CLDN14: variants seen among roughly 807,000 people sequenced by gnomAD.
CLDN14 encodes the protein claudin-14.
A neutral mutation model predicts 2.1 loss-of-function variants in CLDN14; 2 were observed. That is an observed-to-expected ratio of 0.96 (90% CI 0.39 to 3.01). The LOEUF is 3.01. CLDN14 is among the 30% of genes most tolerant of loss of function. The probability of loss-of-function intolerance (pLI) is 0.09; values close to 1 mark genes in which losing one functional copy is unlikely to be tolerated. For synonymous variants in CLDN14, 136 were observed against 154.4 expected, an observed-to-expected ratio of 0.88 and a Z score of 0.88; for missense variants, 298 against 328.0, an observed-to-expected ratio of 0.91 and a Z score of 0.71.
intron 1 of CLDN14, among the ~76,000 whole-genome samples, chr21:36,570,391 G>A (rs1270314417): frequency 1.3e-5 from 2 of 152,122 alleles, no homozygotes; most frequent in Admixed American, 6.5e-5. Flanking sequence ...AGGCATGTCC[G>A]ACTCCCTCTT....
intron 2 of CLDN14, among the ~76,000 whole-genome samples, chr21:36,500,996 A>T (rs1278602806): frequency 6.6e-6 from 1 of 152,240 alleles, no homozygotes; most frequent in Admixed American, 6.5e-5. Context: ...GGAGAGCTTA[A>T]ATCAGCGGCC....
intron 1 of CLDN14, among the ~76,000 whole-genome samples, chr21:36,555,614 G>T (rs1035302291): frequency 6.6e-5 from 10 of 152,270 alleles, no homozygotes; most frequent in African/African-American, 1.9e-4. Flanking sequence ...TTGAAAGCCA[G>T]CTCATTATGA....
At chr21:36,527,087 A>T (rs1024520279) in intron 1 of CLDN14, among the ~76,000 whole-genome samples, 4 of 152,216 alleles carry the variant, frequency 2.6e-5, no homozygotes, top group Admixed American at 6.5e-5. Flanking sequence ...AAACTTGAAG[A>T]TTCACAATAA....
At position 36,461,387 on chromosome 21, in the gene CLDN14, C is replaced by G; in HGVS notation, c.309G>C (p.Lys103Asn). The G allele has an allele frequency of 1.2e-6, 2 of 1,613,274 alleles. No homozygotes were observed. The highest frequency in any genetic ancestry group is 1.7e-6 in the Non-Finnish European group (2 of 1,179,972). ...IACACAVIGMKCTRCAKGTPA... is the reference protein window; with the variant it reads ...IACACAVIGMNCTRCAKGTPA... ...GTGTGCCCTTGGCGCAGCGCGTGCA[C>G]TTCATCCCGATGACGGCGCAGGCGC... The change falls in exon 2 of 2, where the codon AAG (lysine) becomes AAC (asparagine). Residue 103 changes from lysine (K) to asparagine (N), a missense_variant. Physicochemically the swap from Lys to Asn is moderately conservative, Grantham distance 94. Coordinates refer to ENST00000399135, the MANE Select transcript of CLDN14 (RefSeq NM_001146079.2).
At chr21:36,491,398 C>T (rs1029491720) in intron 2 of CLDN14, among the ~76,000 whole-genome samples, 5 of 152,110 alleles carry the variant, frequency 3.3e-5, no homozygotes, top group Admixed American at 6.6e-5. Flanking sequence ...CTTTCAAAAG[C>T]GAAACGGCGA....
intron 1 of CLDN14, among the ~76,000 whole-genome samples, chr21:36,549,441 G>A (rs1041357755): frequency 6.6e-6 from 1 of 152,198 alleles, no homozygotes; most frequent in African/African-American, 2.4e-5. Flanking sequence ...TGTGGCCCCC[G>A]GGTAAGGGGA....
Position 36,515,789 on chromosome 21 carries a change from C to CTTTTTTTTTTTTT in CLDN14, c.-219-5302_-219-5290dup, listed in dbSNP as rs1555850517. Among the ~76,000 whole-genome samples the CTTTTTTTTTTTTT allele has an allele frequency of 5.2e-5, 6 of 115,316 alleles. 1 individual carries two copies. The highest frequency in any genetic ancestry group is 2.1e-4 in the African/African-American group (6 of 28,214). The allele number at this position is 115,316 out of a possible 152,430, so 75.7% of individuals were successfully genotyped here. ...AAGCTGTGTTTCCCTTTTATCTTCT[C>CTTTTTTTTTTTTT]TTTTTTTTTTTTTTTGAGACAGAGT... is the stretch of plus-strand genomic sequence containing the variant. On this transcript the variant is annotated intron_variant, in intron 1 of 2. Coordinates refer to the CLDN14 transcript ENST00000342108.
rs567195771 is a variant in CLDN14 at position 36,522,913 on chromosome 21, A to G, written c.-219-12413T>C. 6.6e-5 allele frequency among the ~76,000 whole-genome samples: 10 copies of G among 152,188 alleles called. No individual in the cohort carries two copies. The South Asian group carries it at 1.5e-3, about 22-fold the overall frequency. On this transcript the variant is annotated intron_variant, in intron 1 of 2. Transcript: ENST00000342108. ...CCAAGATCCAGTGTTCACTGTAGCC[A>G]TGGTCTTTTCTGGGAGCAGAGGAAT...
At position 36,461,233 on chromosome 21, in the gene CLDN14, C is replaced by T. The variant is rs749603296; in HGVS notation, c.463G>A (p.Gly155Ser). Reference protein sequence around the residue: ...QNFYNPLLPSGMKFEIGQALY... With the variant: ...QNFYNPLLPSSMKFEIGQALY... ...GCCTGGCCAATCTCAAACTTCATGC[C>T]GCTGGGCAGCAGCGGGTTGTAGAAG... Residue 155 changes from glycine (G) to serine (S), a missense_variant, in exon 2 of 2, where the codon GGC (glycine) becomes AGC (serine). Physicochemically the swap from Gly to Ser is moderately conservative, Grantham distance 56 (BLOSUM62 0). Coordinates refer to ENST00000399135, the MANE Select transcript of CLDN14 (RefSeq NM_001146079.2). 4.5e-5 allele frequency: 72 copies of T among 1,613,938 alleles called. No homozygotes were observed. Among genetic ancestry groups the T allele is most frequent in the African/African-American group, 2.3e-4 (17 of 74,936 alleles).
Position 36,490,385 on chromosome 21 carries a change from A to ATT in CLDN14, c.-82+19976_-82+19977dup, listed in dbSNP as rs71198817. ...TGTCTGCTAGTTCAATTTTTTTTTA[A>ATT]TTTTTTTTTTTTTTTTTTTTTGTGA... On this transcript the variant is annotated intron_variant, in intron 2 of 2. Coordinates refer to the CLDN14 transcript ENST00000342108. 7.2e-3 allele frequency among the ~76,000 whole-genome samples: 737 copies of ATT among 102,060 alleles called. 26 individuals carry two copies. The highest frequency in any genetic ancestry group is 0.019 in the African/African-American group (468 of 25,262). 67.0% of individuals were successfully genotyped at this position (102,060 alleles called of 152,430 possible). A position where few individuals can be genotyped will look rare whatever the true frequency, so the allele number is the denominator to read the frequency against.
intron 1 of CLDN14, among the ~76,000 whole-genome samples, chr21:36,526,918 G>A (rs548395689): frequency 1.1e-3 from 161 of 152,328 alleles, no homozygotes; most frequent in Non-Finnish European, 1.9e-3. Context: ...CCCGAGACGG[G>A]GATGTTGAAT....
intron 2 of CLDN14, among the ~76,000 whole-genome samples, chr21:36,488,537 T>A (rs1434014765): frequency 6.6e-6 from 1 of 151,334 alleles, no homozygotes; most frequent in Non-Finnish European, 1.5e-5. Context: ...CCCAAAGTGC[T>A]GGGATTACAG....
intron 1 of CLDN14, among the ~76,000 whole-genome samples, chr21:36,467,981 C>A (rs2086667097): frequency 6.6e-6 from 1 of 152,180 alleles, no homozygotes; most frequent in Admixed American, 6.5e-5. Flanking sequence ...GATGTGGCCA[C>A]CAGTGCCTTT....
chr21:36,549,390 G>A (rs138309321), intron 1 of CLDN14, among the ~76,000 whole-genome samples: 2 of 152,162 alleles, frequency 1.3e-5, no homozygotes, highest in East Asian at 1.9e-4. Context: ...TGAGAAAGAT[G>A]TATTTGGTGT....
chr21:36,484,191 A>G (rs1223897952), upstream of CLDN14, among the ~76,000 whole-genome samples: 1 of 152,194 alleles, frequency 6.6e-6, no homozygotes, highest in African/African-American at 2.4e-5. Context: ...CCCAAAGACG[A>G]GTGAGGTAGG....
chr21:36,520,889 T>C (rs2087264381), intron 1 of CLDN14, among the ~76,000 whole-genome samples: 1 of 151,958 alleles, frequency 6.6e-6, no homozygotes, highest in Non-Finnish European at 1.5e-5. Flanking sequence ...ACTAACCCCC[T>C]TCAACGCTCC....
At chr21:36,486,274 C>A in intron 2 of CLDN14, 1 of 773,246 alleles carries the variant, frequency 1.3e-6, no homozygotes, top group South Asian at 1.5e-5. Context: ...TTCCTTAGGT[C>A]AGGAAGTCCG....
chr21:36,559,394 G>A (rs1048929519), intron 1 of CLDN14, among the ~76,000 whole-genome samples: 3 of 151,948 alleles, frequency 2.0e-5, no homozygotes, highest in Non-Finnish European at 2.9e-5. Flanking sequence ...ACGGGGTTTC[G>A]CCATGTTGGC....
At chr21:36,519,664 C>T (rs954295823) in intron 1 of CLDN14, among the ~76,000 whole-genome samples, 4 of 152,092 alleles carry the variant, frequency 2.6e-5, no homozygotes, top group African/African-American at 4.8e-5. Context: ...GAGCTGAGAT[C>T]GCGCCACTGC....
Sources: gnomAD v4.1 joint callset for allele counts (sites outside exome capture counted in the v4.1 genomes callset) on GRCh38, gnomAD v4.1.1 for gene constraint, MANE v1.5 for transcripts, NCBI Gene and HGNC (gene_info 2026-07-23, HGNC 2026-07-21) for gene names.